ASTN2: variants seen among roughly 807,000 people sequenced by gnomAD.
The protein encoded by ASTN2 is astrotactin 2, also known as astrotactin-2.
ASTN2 carries 54 observed loss-of-function variants against 139.8 expected under a neutral mutation model. That is an observed-to-expected ratio of 0.39 (90% CI 0.31 to 0.48). The LOEUF (loss-of-function observed/expected upper bound fraction) is 0.48. Among genes scored for constraint, ASTN2 ranks in the 20% least tolerant of loss-of-function variants. The probability of loss-of-function intolerance (pLI) is 0.95; values close to 1 mark genes in which losing one functional copy is unlikely to be tolerated. For missense variants in ASTN2, 1,565 were observed against 1,725.1 expected, an observed-to-expected ratio of 0.91 and a Z score of 1.64; for synonymous variants, 756 against 719.5, an observed-to-expected ratio of 1.05 and a Z score of -0.81.
intron 2 of ASTN2, among the ~76,000 whole-genome samples, chr9:117,235,053 G>A (rs1833005530): frequency 6.6e-6 from 1 of 152,108 alleles, no homozygotes; most frequent in Non-Finnish European, 1.5e-5. Context: ...GGCCAACATG[G>A]TGAAACCCTG....
At chr9:116,686,497 A>T (rs1371177637) in intron 16 of ASTN2, among the ~76,000 whole-genome samples, 1 of 152,136 alleles carries the variant, frequency 6.6e-6, no homozygotes, top group Non-Finnish European at 1.5e-5. Flanking sequence ...CAGTATAGTC[A>T]CCTTGGAGAG....
chr9:117,310,957 A>G (rs563726504), intron 1 of ASTN2, among the ~76,000 whole-genome samples: 15 of 152,148 alleles, frequency 9.9e-5, no homozygotes, highest in Non-Finnish European at 1.8e-4. Context: ...GAGGTCTCCA[A>G]TGAGATTGAA....
chr9:116,612,033 C>A (rs1855566300), intron 19 of ASTN2: 1 of 152,070 alleles, frequency 6.6e-6, no homozygotes, highest in South Asian at 2.1e-4. Context: ...ATCAATGTGA[C>A]TTATCATATT....
intron 16 of ASTN2, among the ~76,000 whole-genome samples, chr9:116,655,118 G>A (rs1231662338): frequency 6.6e-6 from 1 of 152,104 alleles, no homozygotes; most frequent in Non-Finnish European, 1.5e-5. Context: ...ACCAAAATAA[G>A]GAAAGGGACT....
intron 10 of ASTN2, among the ~76,000 whole-genome samples, chr9:116,893,553 C>T (rs1165687070): frequency 2.0e-5 from 3 of 152,122 alleles, no homozygotes; most frequent in Non-Finnish European, 4.4e-5. Flanking sequence ...AACCGAGATG[C>T]TAGTAGAACC....
chr9:117,180,780 C>G (rs1420436415), intron 3 of ASTN2: 1 of 1,557,182 alleles, frequency 6.4e-7, no homozygotes, highest in Admixed American at 1.7e-5. Context: ...CAGGGATGAG[C>G]TGCTTCTCAG....
Position 117,414,791 on chromosome 9 carries a change from C to T in ASTN2, c.148G>A (p.Gly50Ser). Residue 50 changes from glycine (G) to serine (S), a missense_variant, in exon 1 of 23, where the codon GGC (glycine) becomes AGC (serine). Physicochemically the swap from Gly to Ser is moderately conservative, Grantham distance 56 (BLOSUM62 0). This residue lies in a region of ASTN2 where 596 missense variants were observed against 576.8 expected (regional missense o/e 1.03). Transcript: ENST00000313400. This position sits in a 1 kb window ranked among gnomAD's most constrained non-coding sequence, Gnocchi z 4.2. ...TCCCGCGAGGCAGCGGCGGTGGCGCCGGCCAGCAGCGGCGGCGGCGGCAGC... is the reference window on the plus strand; with the variant it reads ...TCCCGCGAGGCAGCGGCGGTGGCGCTGGCCAGCAGCGGCGGCGGCGGCAGC... ...LLLPPPPLLA[G>S]ATAAASREPD... is the part of the protein sequence containing the mutation. 2.4e-6 allele frequency: 3 copies of T among 1,239,696 alleles called. No individual in the cohort carries two copies. The highest frequency in any genetic ancestry group is 2.0e-6 in the Non-Finnish European group (2 of 991,358). 76.8% of individuals were successfully genotyped at this position (1,239,696 alleles called of 1,614,324 possible). A position where few individuals can be genotyped will look rare whatever the true frequency, so the allele number is the denominator to read the frequency against.
chr9:117,227,097 T>C (rs1398673724), intron 2 of ASTN2, among the ~76,000 whole-genome samples: 1 of 151,978 alleles, frequency 6.6e-6, no homozygotes, highest in Non-Finnish European at 1.5e-5. Flanking sequence ...TCTTTAGAAA[T>C]CATGGGTGGG....
intron 19 of ASTN2, among the ~76,000 whole-genome samples, chr9:116,550,787 T>C (rs1450214761): frequency 2.6e-5 from 4 of 152,192 alleles, no homozygotes; most frequent in African/African-American, 9.7e-5. Context: ...GCAGGTGGGT[T>C]GGGACAAGGT....
chr9:116,859,734 G>A (rs955892450), intron 11 of ASTN2, among the ~76,000 whole-genome samples: 1 of 152,216 alleles, frequency 6.6e-6, no homozygotes, highest in Non-Finnish European at 1.5e-5. Context: ...AATATCAGGT[G>A]GGTTTGAGGG....
Position 117,312,595 on chromosome 9 carries a change from C to T in ASTN2, c.443-21082G>A, listed in dbSNP as rs2095412374. 2.0e-5 allele frequency among the ~76,000 whole-genome samples: 3 copies of T among 152,136 alleles called. No individual in the cohort carries two copies. The South Asian group carries it at 6.2e-4, about 32-fold the overall frequency. On this transcript the variant is annotated intron_variant, in intron 1 of 22. Transcript: ENST00000313400. ...AAAATTAAAAATCAGAAGCAAAAGA[C>T]AGAATGCAGACATGGTCAAAATGAT...
At chr9:116,720,686 C>T (rs546630366) in intron 16 of ASTN2, among the ~76,000 whole-genome samples, 1 of 152,202 alleles carries the variant, frequency 6.6e-6, no homozygotes, top group Admixed American at 6.5e-5. Flanking sequence ...TGTCACCTTC[C>T]ATAGTCAGTT....
intron 4 of ASTN2, among the ~76,000 whole-genome samples, chr9:117,107,991 T>C (rs1829149426): frequency 6.6e-6 from 1 of 151,992 alleles, no homozygotes; most frequent in Non-Finnish European, 1.5e-5. Context: ...GAGCAGGAGG[T>C]AAGAAAGGGA....
chr9:117,311,569 G>A (rs184903175), intron 1 of ASTN2, among the ~76,000 whole-genome samples: 3 of 152,278 alleles, frequency 2.0e-5, no homozygotes, highest in Admixed American at 6.5e-5. Flanking sequence ...TGCAGAAAGT[G>A]AGGAGCAGAA....
chr9:116,693,059 A>G (rs1265035321), intron 16 of ASTN2, among the ~76,000 whole-genome samples: 5 of 152,172 alleles, frequency 3.3e-5, no homozygotes, highest in Non-Finnish European at 7.3e-5. Flanking sequence ...ATGAAAGGAA[A>G]GGTTGTTCAT....
At chr9:116,632,290 C>T (rs7391021) in intron 17 of ASTN2, among the ~76,000 whole-genome samples, 20,940 of 126,276 alleles carry the variant, frequency 0.17, 1,716 homozygotes, top group Middle Eastern at 0.24. Context: ...AGAAAGATCA[C>T]AAGTACCCCC....
At chr9:116,645,479 C>A (rs1284360478) in intron 17 of ASTN2, among the ~76,000 whole-genome samples, 2 of 152,076 alleles carry the variant, frequency 1.3e-5, no homozygotes, top group African/African-American at 4.8e-5. Context: ...AAGGAGACCC[C>A]AACTACCCAA....
At chr9:116,516,331 A>G (rs1475742681) in intron 19 of ASTN2, among the ~76,000 whole-genome samples, 1 of 152,212 alleles carries the variant, frequency 6.6e-6, no homozygotes, top group Non-Finnish European at 1.5e-5. Context: ...GGTAGCAGCT[A>G]ACATGTTTGA....
intron 6 of ASTN2, among the ~76,000 whole-genome samples, chr9:117,019,434 C>A (rs569027608): frequency 6.6e-6 from 1 of 152,010 alleles, no homozygotes; most frequent in Non-Finnish European, 1.5e-5. Flanking sequence ...CTGCCAGGCA[C>A]GGATGAGAAC....
Sources: gnomAD v4.1 joint callset for allele counts (sites outside exome capture counted in the v4.1 genomes callset) on GRCh38, gnomAD v4.1.1 for gene constraint, gnomAD v4.1.1 regional missense constraint, Gnocchi (gnomAD v3.1) non-coding constraint, MANE v1.5 for transcripts, NCBI Gene and HGNC (gene_info 2026-07-23, HGNC 2026-07-21) for gene names.